Variants in KIF6 observed in about 807,000 individuals in gnomAD.
KIF6 encodes kinesin-like protein KIF6.
Under a neutral mutation model 112.7 loss-of-function variants are expected in KIF6, and 106 were observed. The ratio of observed to expected loss-of-function variants is 0.94; its 90% CI spans 0.80 to 1.11. KIF6 has a LOEUF of 1.11. Ranked by LOEUF, KIF6 falls within the 50% of genes least tolerant of loss-of-function variation. KIF6 has a pLI of 0.00. For synonymous variants in KIF6, 339 were observed against 339.9 expected (o/e 1.00, Z 0.03); for missense variants, 929 against 964.0 (o/e 0.96, Z 0.48).
At chr6:39,436,071 T>C (rs1383091520) in intron 13 of KIF6, among the ~76,000 whole-genome samples, 3 of 152,214 alleles carry the variant, frequency 2.0e-5, no homozygotes, top group Non-Finnish European at 4.4e-5. Context: ...TGGGGTAAGA[T>C]GGTATTTCAT....
intron 5 of KIF6, among the ~76,000 whole-genome samples, chr6:39,625,423 A>C (rs1327360273): frequency 6.6e-6 from 1 of 152,144 alleles, no homozygotes; most frequent in Non-Finnish European, 1.5e-5. Context: ...ACAGTGTTTC[A>C]GTTCTCAATG....
chr6:39,404,270 T>C (rs1768922589), intron 15 of KIF6, among the ~76,000 whole-genome samples: 1 of 152,232 alleles, frequency 6.6e-6, no homozygotes, highest in Non-Finnish European at 1.5e-5. Flanking sequence ...GAGTTTCTCA[T>C]ACTCATTCTT....
intron 20 of KIF6, among the ~76,000 whole-genome samples, chr6:39,346,104 C>CCTCTCTCTCT (rs1562113100): frequency 2.4e-5 from 1 of 40,964 alleles, no homozygotes; most frequent in Non-Finnish European, 4.4e-5. Context: ...TCTCCCTCCC[C>CCTCTCTCTCT]CCCTCCCTCT....
At chr6:39,364,839 T>A (rs1765440709) in intron 16 of KIF6, among the ~76,000 whole-genome samples, 1 of 152,374 alleles carries the variant, frequency 6.6e-6, no homozygotes, top group South Asian at 2.1e-4. Context: ...TGAACCCATT[T>A]GTTTTTTTCT....
chr6:39,352,656 T>G (rs1036510788), intron 19 of KIF6, among the ~76,000 whole-genome samples: 1 of 149,852 alleles, frequency 6.7e-6, no homozygotes, highest in Non-Finnish European at 1.5e-5. Context: ...CAGGCTGGAG[T>G]GCAGTGGCTT....
At chr6:39,673,714 G>GTAA (rs1225378837) in intron 3 of KIF6, among the ~76,000 whole-genome samples, 1 of 152,196 alleles carries the variant, frequency 6.6e-6, no homozygotes, top group African/African-American at 2.4e-5. Context: ...GGAAACAGAT[G>GTAA]TAAAATGCTT....
At chr6:39,700,055 G>A (rs1282686845) in intron 3 of KIF6, among the ~76,000 whole-genome samples, 1 of 151,954 alleles carries the variant, frequency 6.6e-6, no homozygotes, top group Non-Finnish European at 1.5e-5. Flanking sequence ...TATTTAAGGC[G>A]ATACATATGG....
chr6:39,682,624 G>A (rs1244680726), intron 3 of KIF6, among the ~76,000 whole-genome samples: 1 of 152,068 alleles, frequency 6.6e-6, no homozygotes, highest in Non-Finnish European at 1.5e-5. Context: ...CTGTTGCCCA[G>A]GCTGGAGTGC....
chr6:39,485,383 C>T (rs1775051558), intron 13 of KIF6, among the ~76,000 whole-genome samples: 1 of 152,074 alleles, frequency 6.6e-6, no homozygotes, highest in Non-Finnish European at 1.5e-5. Context: ...CTCTTTATCC[C>T]CTTATTATGC....
intron 3 of KIF6, among the ~76,000 whole-genome samples, chr6:39,707,789 C>G (rs1170191647): frequency 1.3e-5 from 2 of 152,184 alleles, no homozygotes; most frequent in Non-Finnish European, 2.9e-5. Flanking sequence ...CACATTGTTT[C>G]TTTTCATCTT....
intron 13 of KIF6, among the ~76,000 whole-genome samples, chr6:39,522,831 T>C (rs139673030): frequency 6.6e-6 from 1 of 152,314 alleles, no homozygotes; most frequent in East Asian, 1.9e-4. Context: ...CTGGGGCTCC[T>C]TAATAAGCAT....
At chr6:39,437,444 C>G (rs1356890962) in intron 13 of KIF6, among the ~76,000 whole-genome samples, 4 of 152,158 alleles carry the variant, frequency 2.6e-5, no homozygotes, top group Non-Finnish European at 5.9e-5. Flanking sequence ...ATTTGGCACA[C>G]AAAATATCTT....
intron 10 of KIF6, among the ~76,000 whole-genome samples, chr6:39,576,228 G>A (rs192902298): frequency 2.6e-5 from 4 of 151,954 alleles, no homozygotes; most frequent in South Asian, 4.2e-4. Flanking sequence ...GGGTTCAAGC[G>A]ATTCTCCTGC....
chr6:39,548,577 T>C (rs913875377), intron 10 of KIF6, among the ~76,000 whole-genome samples: 5 of 152,228 alleles, frequency 3.3e-5, no homozygotes, highest in African/African-American at 1.2e-4. Flanking sequence ...GTTTATTTCC[T>C]TATCAGGCAA....
chr6:39,630,559 T>G (rs1286196082), intron 5 of KIF6, among the ~76,000 whole-genome samples: 1 of 152,074 alleles, frequency 6.6e-6, no homozygotes, highest in Non-Finnish European at 1.5e-5. Context: ...CCATAATCAC[T>G]TATGAATTCC....
intron 1 of KIF6, 146 bp downstream of exon 1, chr6:39,725,099 T>A: frequency 1.7e-6 from 1 of 583,256 alleles, no homozygotes; most frequent in Non-Finnish European, 2.9e-6. Flanking sequence ...GCTGCAGGGC[T>A]CCTCGGTCAG....
chr6:39,378,458 A>G lies in KIF6; in HGVS notation c.1861+7164T>C, dbSNP rs1178817142. ...ATATATCCATACCACATACACACACACCACATGCCGCATATACACAGCACA... is the reference window on the plus strand; with the variant it reads ...ATATATCCATACCACATACACACACGCCACATGCCGCATATACACAGCACA... On this transcript the variant is annotated intron_variant, in intron 16 of 22. Coordinates refer to ENST00000287152, the MANE Select transcript of KIF6 (RefSeq NM_145027.6). The surrounding 1 kb of genome is among the most constrained non-coding windows in gnomAD (Gnocchi z 5.0). 6.6e-6 allele frequency among the ~76,000 whole-genome samples: 1 copy of G among 152,032 alleles called. No individual in the cohort carries two copies. Among genetic ancestry groups the G allele is most frequent in the African/African-American group, 2.4e-5 (1 of 41,378 alleles).
intron 3 of KIF6, among the ~76,000 whole-genome samples, chr6:39,713,071 C>T (rs1455044372): frequency 6.6e-6 from 1 of 152,134 alleles, no homozygotes; most frequent in East Asian, 1.9e-4. Context: ...GAGAAAGCCG[C>T]TATGAGCAAA....
chr6:39,369,466 C>T (rs1765805224), intron 16 of KIF6, among the ~76,000 whole-genome samples: 2 of 152,194 alleles, frequency 1.3e-5, no homozygotes, highest in African/African-American at 4.8e-5. Context: ...TACTTTATTA[C>T]AATCAGAAAC....
Sources: gnomAD v4.1 joint callset for allele counts (sites outside exome capture counted in the v4.1 genomes callset) on GRCh38, gnomAD v4.1.1 for gene constraint, Gnocchi (gnomAD v3.1) non-coding constraint, MANE v1.5 for transcripts, NCBI Gene and HGNC (gene_info 2026-07-23, HGNC 2026-07-21) for gene names.